KCNU1: variants seen among roughly 807,000 people sequenced by gnomAD.
The protein encoded by KCNU1 is potassium calcium-activated channel subfamily U member 1.
KCNU1 carries 93 observed loss-of-function variants against 126.8 expected under a neutral mutation model. That is an observed-to-expected ratio of 0.73 (90% CI 0.62 to 0.87). The LOEUF is 0.87. Among genes scored for constraint, KCNU1 ranks in the 40% least tolerant of loss-of-function variants. The pLI, the probability that KCNU1 is intolerant of heterozygous loss-of-function variation, is 0.00. For missense variants in KCNU1, 1,330 were observed against 1,367.1 expected (o/e 0.97, Z 0.43); for synonymous variants, 523 against 494.2 (o/e 1.06, Z -0.77).
At chr8:36,930,169 G>A (rs1223997134) in intron 24 of KCNU1, among the ~76,000 whole-genome samples, 1 of 152,020 alleles carries the variant, frequency 6.6e-6, no homozygotes, top group East Asian at 1.9e-4. Flanking sequence ...CAATAAATTT[G>A]AGAAAACCTA....
chr8:36,824,924 T>C (rs1240322469), intron 10 of KCNU1, among the ~76,000 whole-genome samples: 1 of 152,186 alleles, frequency 6.6e-6, no homozygotes, highest in Admixed American at 6.5e-5. Context: ...CTTTGGCTAT[T>C]ATAAAGAATG....
intron 22 of KCNU1, among the ~76,000 whole-genome samples, chr8:36,918,050 G>C (rs752817012): frequency 2.6e-5 from 4 of 152,168 alleles, no homozygotes; most frequent in Non-Finnish European, 5.9e-5. Flanking sequence ...AAGCACTCAT[G>C]GGGACAGCAC....
chr8:36,928,280 C>T (rs748845427), intron 24 of KCNU1, among the ~76,000 whole-genome samples: 7 of 152,054 alleles, frequency 4.6e-5, no homozygotes, highest in African/African-American at 1.2e-4. Context: ...CTATTGATAC[C>T]AGGATAACCC....
At chr8:36,808,363 G>A (rs905441518) in intron 6 of KCNU1, among the ~76,000 whole-genome samples, 13 of 151,974 alleles carry the variant, frequency 8.6e-5, no homozygotes, top group Admixed American at 3.9e-4. Flanking sequence ...TTATTATATC[G>A]GACAATATAA....
At chr8:36,879,371 C>T (rs1424985033) in intron 19 of KCNU1, among the ~76,000 whole-genome samples, 1 of 151,616 alleles carries the variant, frequency 6.6e-6, no homozygotes, top group African/African-American at 2.4e-5. Context: ...GTATAGCACA[C>T]ACTTGTGGTA....
intron 8 of KCNU1, 165 bp downstream of exon 8, chr8:36,814,542 G>A (rs1803840097): frequency 1.7e-6 from 1 of 581,564 alleles, no homozygotes; most frequent in East Asian, 2.8e-5. Context: ...TTTCCAAACT[G>A]CATCCCCTGG....
At chr8:36,798,859 A>G (rs768092096) in intron 2 of KCNU1, among the ~76,000 whole-genome samples, 82 of 152,162 alleles carry the variant, frequency 5.4e-4, no homozygotes, top group Non-Finnish European at 7.2e-4. Flanking sequence ...CCTTGGGCAC[A>G]TGTTCTCAGG....
intron 12 of KCNU1, among the ~76,000 whole-genome samples, chr8:36,835,707 A>C (rs1451857235): frequency 6.6e-6 from 1 of 152,196 alleles, no homozygotes; most frequent in African/African-American, 2.4e-5. Context: ...GAACTCTTCT[A>C]GCAAGAACGT....
intron 2 of KCNU1, among the ~76,000 whole-genome samples, chr8:36,802,305 C>T (rs1310685135): frequency 6.6e-6 from 1 of 151,926 alleles, no homozygotes; most frequent in African/African-American, 2.4e-5. Flanking sequence ...GGGTACTTTC[C>T]TCTCATCTCA....
intron 10 of KCNU1, among the ~76,000 whole-genome samples, chr8:36,831,108 A>G (rs1326769539): frequency 2.0e-5 from 3 of 152,060 alleles, no homozygotes; most frequent in Middle Eastern, 6.8e-3. Flanking sequence ...TTATGGCTGC[A>G]TGGTATTCCA....
chr8:36,800,402 C>G (rs992683622), intron 2 of KCNU1, among the ~76,000 whole-genome samples: 1 of 152,148 alleles, frequency 6.6e-6, no homozygotes, highest in East Asian at 1.9e-4. Context: ...GGGAATAAGG[C>G]TGGGGCCAGC....
At chr8:36,927,442 TG>T (rs1047769535) in intron 24 of KCNU1, among the ~76,000 whole-genome samples, 1 of 152,154 alleles carries the variant, frequency 6.6e-6, no homozygotes, top group Non-Finnish European at 1.5e-5. Context: ...GGTTCCTATC[TG>T]GTTCTGCAAC....
chr8:36,869,045 CA>C (rs1171532114), intron 19 of KCNU1, among the ~76,000 whole-genome samples: 4 of 152,236 alleles, frequency 2.6e-5, no homozygotes, highest in African/African-American at 9.6e-5. Flanking sequence ...TCTTCTCTAT[CA>C]AAACTCTCTT....
chr8:36,849,235 T>C (rs1294040117), intron 18 of KCNU1, among the ~76,000 whole-genome samples: 1 of 151,846 alleles, frequency 6.6e-6, no homozygotes, highest in African/African-American at 2.4e-5. Context: ...AAAAGGATCC[T>C]ATAGTTTGTG....
chr8:36,916,313 AG>A (rs1375745498), intron 22 of KCNU1, among the ~76,000 whole-genome samples: 1 of 145,136 alleles, frequency 6.9e-6, no homozygotes, highest in African/African-American at 2.6e-5. Context: ...GAAAGGGGTG[AG>A]GGAAGGGAAG....
intron 22 of KCNU1, among the ~76,000 whole-genome samples, chr8:36,913,600 A>ACT (rs1807973708): frequency 7.8e-6 from 1 of 129,014 alleles, no homozygotes; most frequent in Non-Finnish European, 1.7e-5. Flanking sequence ...GTGAGGTCAC[A>ACT]TTTTTTTTTT....
intron 19 of KCNU1, among the ~76,000 whole-genome samples, chr8:36,881,047 G>A (rs963665246): frequency 1.2e-4 from 18 of 152,042 alleles, no homozygotes; most frequent in Non-Finnish European, 2.4e-4. Context: ...TCACAGAGGA[G>A]GGAGGAACAT....
intron 7 of KCNU1, among the ~76,000 whole-genome samples, chr8:36,809,263 T>C (rs990049748): frequency 1.3e-5 from 2 of 152,140 alleles, no homozygotes; most frequent in Admixed American, 1.3e-4. Context: ...CCTTTGCCTG[T>C]AGGAAAGTCT....
At chr8:36,864,925 C>T (rs1434139638) in intron 19 of KCNU1, among the ~76,000 whole-genome samples, 1 of 152,116 alleles carries the variant, frequency 6.6e-6, no homozygotes, top group Non-Finnish European at 1.5e-5. Context: ...CAAATCCCTC[C>T]TCCCTGCCCT....
Sources: allele counts gnomAD v4.1 joint callset (sites outside exome capture counted in the v4.1 genomes callset), GRCh38; gene constraint gnomAD v4.1.1; transcripts MANE v1.5; gene names NCBI Gene and HGNC (gene_info 2026-07-23, HGNC 2026-07-21).